The following DENND1B variants were observed in gnomAD, a reference collection of about 807,000 sequenced individuals.
DENND1B encodes the protein DENN domain containing 1B.
DENND1B carries 59 observed loss-of-function variants against 90.1 expected under a neutral mutation model. The ratio of observed to expected loss-of-function variants is 0.65; its 90% CI spans 0.53 to 0.81. DENND1B has a LOEUF of 0.81. DENND1B is among the 40% of genes least tolerant of loss of function. The pLI, the probability that DENND1B is intolerant of heterozygous loss-of-function variation, is 0.00. For missense variants in DENND1B, 862 were observed against 912.6 expected (o/e 0.94, Z 0.71); for synonymous variants, 337 against 324.6 (o/e 1.04, Z -0.41).
chr1:197,665,707 T>C (rs1361024457), intron 5 of DENND1B, among the ~76,000 whole-genome samples: 3 of 152,134 alleles, frequency 2.0e-5, no homozygotes, highest in East Asian at 3.8e-4. Flanking sequence ...TAATTATGTC[T>C]ATGCTTCAAC....
intron 2 of DENND1B, among the ~76,000 whole-genome samples, chr1:197,747,692 A>G (rs1652885944): frequency 6.6e-6 from 1 of 152,248 alleles, no homozygotes; most frequent in Non-Finnish European, 1.5e-5. Context: ...AGATTTGCCT[A>G]AAGTATCTGC....
intron 10 of DENND1B, among the ~76,000 whole-genome samples, chr1:197,620,567 T>C (rs1020148928): frequency 3.3e-5 from 5 of 151,342 alleles, no homozygotes; most frequent in Admixed American, 3.3e-4. Context: ...AACGGAATAC[T>C]ATGACTGGAC....
At chr1:197,707,341 C>A (rs539798565) in intron 3 of DENND1B, among the ~76,000 whole-genome samples, 1 of 151,978 alleles carries the variant, frequency 6.6e-6, no homozygotes, top group East Asian at 1.9e-4. Context: ...GAATGGTGTT[C>A]TAGTGTTCTA....
chr1:197,570,703 C>A (rs1673074255), intron 15 of DENND1B, among the ~76,000 whole-genome samples: 1 of 152,116 alleles, frequency 6.6e-6, no homozygotes, highest in East Asian at 1.9e-4. Context: ...AAACAGAAAT[C>A]TCCCTATGTC....
At chr1:197,617,326 G>T (rs1033523862) in intron 11 of DENND1B, among the ~76,000 whole-genome samples, 1 of 151,032 alleles carries the variant, frequency 6.6e-6, no homozygotes, top group African/African-American at 2.4e-5. Flanking sequence ...TGACACCTGG[G>T]ATACTGGGTT....
chr1:197,551,099 ACACACACACACACC>A (rs1671200191), intron 16 of DENND1B, among the ~76,000 whole-genome samples: 1 of 86,154 alleles, frequency 1.2e-5, no homozygotes, highest in African/African-American at 4.1e-5. Context: ...ACACACACAC[ACACACACACACACC>A]CCCTAGATAG....
chr1:197,526,332 G>A (rs1343889208), intron 20 of DENND1B, among the ~76,000 whole-genome samples: 1 of 151,974 alleles, frequency 6.6e-6, no homozygotes, highest in Admixed American at 6.5e-5. Flanking sequence ...TTTATCCTAA[G>A]ATTCTTGGAA....
At chr1:197,593,428 A>G (rs1393436328) in intron 14 of DENND1B, among the ~76,000 whole-genome samples, 1 of 151,878 alleles carries the variant, frequency 6.6e-6, no homozygotes, top group Non-Finnish European at 1.5e-5. Flanking sequence ...GTAGGCAACT[A>G]AACAAATAAA....
chr1:197,536,158 G>C (rs994204488), intron 20 of DENND1B, among the ~76,000 whole-genome samples: 2 of 66,848 alleles, frequency 3.0e-5, no homozygotes, highest in African/African-American at 9.9e-5. Context: ...GAGAGAGAGA[G>C]ATAGATGAGA....
intron 20 of DENND1B, among the ~76,000 whole-genome samples, chr1:197,517,247 G>A (rs1668463648): frequency 6.6e-6 from 1 of 151,802 alleles, no homozygotes; most frequent in Non-Finnish European, 1.5e-5. Flanking sequence ...CCTTACTTGG[G>A]GGAAGTACAG....
At chr1:197,693,292 C>A (rs1038652654) in intron 3 of DENND1B, among the ~76,000 whole-genome samples, 12 of 151,508 alleles carry the variant, frequency 7.9e-5, no homozygotes, top group Non-Finnish European at 1.5e-4. Context: ...AAACATGTGA[C>A]TGTGTGTTTA....
intron 14 of DENND1B, among the ~76,000 whole-genome samples, chr1:197,592,745 C>A (rs1359380149): frequency 1.3e-5 from 2 of 152,108 alleles, no homozygotes; most frequent in Non-Finnish European, 2.9e-5. Context: ...CCTTGAATGC[C>A]AGGTGAAGAG....
At chr1:197,632,945 C>T (rs960006748) in intron 10 of DENND1B, among the ~76,000 whole-genome samples, 16 of 152,122 alleles carry the variant, frequency 1.1e-4, no homozygotes, top group African/African-American at 3.6e-4. Flanking sequence ...CTCTATGGTG[C>T]CTCAGGACTT....
chr1:197,536,113 G>GGAGGGAGA (rs1474204215), intron 20 of DENND1B, among the ~76,000 whole-genome samples: 1 of 140,588 alleles, frequency 7.1e-6, no homozygotes, highest in East Asian at 2.1e-4. Flanking sequence ...AGAGACGGAG[G>GGAGGGAGA]GAGGGAGAGA....
At chr1:197,745,941 T>TA (rs1406767418) in intron 2 of DENND1B, among the ~76,000 whole-genome samples, 2 of 152,072 alleles carry the variant, frequency 1.3e-5, no homozygotes, top group African/African-American at 2.4e-5. Flanking sequence ...CTGCTTCCAA[T>TA]AAAAAAATTA....
intron 2 of DENND1B, among the ~76,000 whole-genome samples, chr1:197,760,638 T>A (rs1172646823): frequency 2.1e-5 from 3 of 140,388 alleles, no homozygotes; most frequent in Admixed American, 7.2e-5. Context: ...TGAGACCTTG[T>A]CTCAAAAAAA....
intron 2 of DENND1B, among the ~76,000 whole-genome samples, chr1:197,763,782 A>C (rs1655381447): frequency 6.6e-6 from 1 of 152,206 alleles, no homozygotes. Context: ...CAATGAGCTG[A>C]ATTAGGTGCC....
intron 14 of DENND1B, among the ~76,000 whole-genome samples, chr1:197,594,086 A>T (rs1443272041): frequency 6.6e-6 from 1 of 152,184 alleles, no homozygotes; most frequent in Non-Finnish European, 1.5e-5. Context: ...ACTATGAATT[A>T]TATAATGCTT....
chr1:197,545,576 C>A, intron 18 of DENND1B: 1 of 172,578 alleles, frequency 5.8e-6, no homozygotes, highest in Non-Finnish European at 1.2e-5. Flanking sequence ...TTTTTTTTTT[C>A]TACTTGAGCC....
Sources: allele counts gnomAD v4.1 joint callset (sites outside exome capture counted in the v4.1 genomes callset), GRCh38; gene constraint gnomAD v4.1.1; transcripts MANE v1.5; gene names NCBI Gene and HGNC (gene_info 2026-07-23, HGNC 2026-07-21).